Variants in PRADC1 observed in about 807,000 individuals in gnomAD.
PRADC1 encodes protease-associated domain-containing protein 1.
PRADC1 carries 23 observed loss-of-function variants against 22.9 expected under a neutral mutation model. The ratio of observed to expected loss-of-function variants is 1.00; its 90% CI spans 0.72 to 1.42. PRADC1 has a LOEUF of 1.42. Ranked by LOEUF, PRADC1 falls within the 40% of genes most tolerant of loss-of-function variation. The pLI, the probability that PRADC1 is intolerant of heterozygous loss-of-function variation, is 0.00. For missense variants in PRADC1, 207 were observed against 258.3 expected, an observed-to-expected ratio of 0.80 and a Z score of 1.36; for synonymous variants, 71 against 100.3, an observed-to-expected ratio of 0.71 and a Z score of 1.75.
At position 73,228,120 on chromosome 2, in the gene PRADC1, AC is replaced by A; in HGVS notation, c.*333del. The A allele has an allele frequency of 2.9e-6, 1 of 350,468 alleles. No individual in the cohort carries two copies. The highest frequency in any genetic ancestry group is 3.1e-5 in the South Asian group (1 of 32,068). 21.7% of individuals were successfully genotyped at this position (350,468 alleles called of 1,614,324 possible). A position where few individuals can be genotyped will look rare whatever the true frequency, so the allele number is the denominator to read the frequency against. On this transcript the variant is annotated 3_prime_UTR_variant, in exon 5 of 5. Transcript: ENST00000258083. This position sits in a 1 kb window ranked among gnomAD's most constrained non-coding sequence, Gnocchi z 4.0. The stretch of plus-strand genomic sequence containing the variant: ...CTGCTGTGAAGGTCACTGTGCAGAG[AC>A]CCTGGGTAGGGGAGGCTGGAGCCAG...
Position 73,228,842 on chromosome 2 carries a change from G to C in PRADC1, c.399C>G (p.Thr133=), listed in dbSNP as rs1686571563. The C allele has an allele frequency of 1.9e-6, 3 of 1,613,168 alleles. No homozygotes were observed. Among genetic ancestry groups the C allele is most frequent in the Non-Finnish European group, 2.5e-6 (3 of 1,179,956 alleles). The change falls in exon 4 of 5, where the codon ACC becomes ACG. Residue 133 remains threonine, a synonymous_variant. Coordinates refer to ENST00000258083, the MANE Select transcript of PRADC1 (RefSeq NM_032319.3). This position sits in a 1 kb window ranked among gnomAD's most constrained non-coding sequence, Gnocchi z 4.0. The stretch of plus-strand genomic sequence containing the variant: ...GGGCGGGGATGTCAGCTGTGCGCTG[G>C]GTACTGTCCTGGATCATCTCCACGT... ...SFYVEMIQDS[T]QRTADIPALF... is the part of the protein sequence containing the mutation.
At chr2:73,232,253 CG>C (rs1231499497) in intron 1 of PRADC1, among the ~76,000 whole-genome samples, 1 of 151,362 alleles carries the variant, frequency 6.6e-6, no homozygotes, top group Non-Finnish European at 1.5e-5. Context: ...AGGAGAATGG[CG>C]TGAACCCGGG....
At chr2:73,233,017 T>G (rs1686693215) in intron 1 of PRADC1, 77 bp downstream of exon 1, 5 of 1,488,766 alleles carry the variant, frequency 3.4e-6, no homozygotes, top group Non-Finnish European at 3.6e-6. Flanking sequence ...AGGTGACCCT[T>G]GGCCCCCAAC....
rs1686600037 is a variant in PRADC1, at chr2:73,229,755, C to T, written c.169-185G>A. ...CGCAAAGGCCTATCTGGTTGTCCTA[C>T]ACCACCCTACCCTTCTATGAGATAG... is the stretch of plus-strand genomic sequence containing the variant. On this transcript the variant is annotated intron_variant, in intron 2 of 4. Coordinates refer to ENST00000258083, the MANE Select transcript of PRADC1 (RefSeq NM_032319.3). 32 of 608,362 alleles carry T rather than the reference C, an allele frequency of 5.3e-5. 1 individual carries two copies. In the South Asian group the frequency reaches 5.4e-4, roughly 10 times the overall value. The allele number at this position is 608,362 out of a possible 1,614,324, so 37.7% of individuals were successfully genotyped here. A position where few individuals can be genotyped will look rare whatever the true frequency, so the allele number is the denominator to read the frequency against.
chr2:73,229,035 AGT>A, intron 3 of PRADC1, 73 bp from the exon 4 acceptor site: 2 of 1,365,050 alleles, frequency 1.5e-6, no homozygotes, highest in South Asian at 2.5e-5. Flanking sequence ...TCACCCTGGG[AGT>A]ATAGAAGGCA....
chr2:73,229,138 T>C (rs534101453), intron 3 of PRADC1, among the ~76,000 whole-genome samples, 176 bp from the exon 4 acceptor site: 15 of 152,188 alleles, frequency 9.9e-5, no homozygotes, highest in Non-Finnish European at 2.1e-4. Context: ...TTCTTTTTTT[T>C]TGGAGACTGG....
chr2:73,229,078 A>T (rs72905345), intron 3 of PRADC1, 116 bp from the exon 4 acceptor site: 26,834 of 869,058 alleles, frequency 0.031, 1,339 homozygotes, highest in African/African-American at 0.2. Flanking sequence ...AAAGGCTCAT[A>T]AGTAAATAGC....
Position 73,228,708 on chromosome 2 carries a change from G to T in PRADC1, c.446+87C>A. ...TCTAACTGAAGCACCCCAAGTTGAG[G>T]CCTGCAAGAAGGGACTGGTGATTAC... is the stretch of plus-strand genomic sequence containing the variant. On this transcript the variant is annotated intron_variant, in intron 4 of 4. Transcript: ENST00000258083. This position sits in a 1 kb window ranked among gnomAD's most constrained non-coding sequence, Gnocchi z 4.0. 6.3e-7 allele frequency: 1 copy of T among 1,582,772 alleles called. No individual in the cohort carries two copies. The highest frequency in any genetic ancestry group is 1.3e-5 in the African/African-American group (1 of 74,384).
At chr2:73,229,356 A>C in intron 3 of PRADC1, 105 bp downstream of exon 3, 1 of 846,934 alleles carries the variant, frequency 1.2e-6, no homozygotes, top group Non-Finnish European at 2.0e-6. Flanking sequence ...GACGCTTAAA[A>C]AGATGAAATT....
chr2:73,229,436 C>T (rs778347799), intron 3 of PRADC1, 25 bp downstream of exon 3: 92 of 1,504,220 alleles, frequency 6.1e-5, no homozygotes, highest in Non-Finnish European at 8.2e-5. Context: ...GCCCACTCCT[C>T]GTGTCCTGCC....
rs776271178 is a variant in PRADC1 at position 73,228,617 on chromosome 2, T to G, written c.447-43A>C. The G allele has an allele frequency of 6.2e-7, 1 of 1,613,540 alleles. No individual in the cohort carries two copies. Among genetic ancestry groups the G allele is most frequent in the African/African-American group, 1.3e-5 (1 of 75,038 alleles). Reference sequence around the variant, plus strand: ...GAGGTGGTGACGGTCACTTTCTTGGTACCCCATCATGCCCCACTGTCCCCA... The same window carrying G: ...GAGGTGGTGACGGTCACTTTCTTGGGACCCCATCATGCCCCACTGTCCCCA... On this transcript the variant is annotated intron_variant, in intron 4 of 4. Coordinates refer to ENST00000258083, the MANE Select transcript of PRADC1 (RefSeq NM_032319.3). This position sits in a 1 kb window ranked among gnomAD's most constrained non-coding sequence, Gnocchi z 4.0.
chr2:73,229,817 G>T (rs911822424), intron 2 of PRADC1: 2 of 587,914 alleles, frequency 3.4e-6, no homozygotes, highest in Non-Finnish European at 6.1e-6. Flanking sequence ...GAGAGGAAGT[G>T]ATGTGCCTTA....
chr2:73,228,323 G>A lies in PRADC1; in HGVS notation c.*131C>T, dbSNP rs115369437. ...GTGGCTTCCCTTTCAGCCTAGCAAC[G>A]CCCAAACCCTTTTCCTCTACCTGGC... On this transcript the variant is annotated 3_prime_UTR_variant, in exon 5 of 5. Transcript: ENST00000258083. The surrounding 1 kb of genome is among the most constrained non-coding windows in gnomAD (Gnocchi z 4.0). The A allele has an allele frequency of 1.5e-3, 1,739 of 1,197,884 alleles. 14 individuals are homozygous for A. The African/African-American group carries it at 0.021, about 14-fold the overall frequency. The allele number at this position is 1,197,884 out of a possible 1,614,324, so 74.2% of individuals were successfully genotyped here.
In PRADC1 at chr2:73,228,372, T is replaced by A. The variant is rs763603543; in HGVS notation, c.*82A>T. The A allele has an allele frequency of 2.8e-5, 44 of 1,565,896 alleles. No homozygotes were observed. Among genetic ancestry groups the A allele is most frequent in the Non-Finnish European group, 3.7e-5 (43 of 1,148,646 alleles). ...GCTCCACTTGTCCCCAGATGCTATC[T>A]CCAAATTCCAAGTAGCAAAATTCCT... On this transcript the variant is annotated 3_prime_UTR_variant, in exon 5 of 5. Transcript: ENST00000258083. The surrounding 1 kb of genome is among the most constrained non-coding windows in gnomAD (Gnocchi z 4.0).
At position 73,228,860 on chromosome 2, in the gene PRADC1, C is replaced by A. The variant is rs149195769; in HGVS notation, c.381G>T (p.Glu127Asp). 6.8e-6 allele frequency: 11 copies of A among 1,613,362 alleles called. No homozygotes were observed. Among genetic ancestry groups the A allele is most frequent in the Non-Finnish European group, 9.3e-6 (11 of 1,179,992 alleles). The change falls in exon 4 of 5, where the codon GAG (glutamate) becomes GAT (aspartate). Residue 127 changes from glutamate (E) to aspartate (D), a missense_variant. Transcript: ENST00000258083. This position sits in a 1 kb window ranked among gnomAD's most constrained non-coding sequence, Gnocchi z 4.0. ...NAVDNDSFYV[E>D]MIQDSTQRTA... ...TGCGCTGGGTACTGTCCTGGATCAT[C>A]TCCACGTAGAAGCTGTCATTGTCAA...
intron 3 of PRADC1, 58 bp from the exon 4 acceptor site, chr2:73,229,020 G>A: frequency 6.6e-7 from 1 of 1,524,140 alleles, no homozygotes; most frequent in African/African-American, 1.4e-5. Context: ...CCCTTCCCCA[G>A]ACCATCACCC....
chr2:73,228,665 C>G lies in PRADC1; in HGVS notation c.447-91G>C, dbSNP rs1035707095. On this transcript the variant is annotated intron_variant, in intron 4 of 4. Coordinates refer to ENST00000258083, the MANE Select transcript of PRADC1 (RefSeq NM_032319.3). The surrounding 1 kb of genome is among the most constrained non-coding windows in gnomAD (Gnocchi z 4.0). ...CCATCAATCTGGGAGTTCCAAAGCCCGAGATCTTTTTTTGCCCTCTAACTG... is the reference window on the plus strand; with the variant it reads ...CCATCAATCTGGGAGTTCCAAAGCCGGAGATCTTTTTTTGCCCTCTAACTG... 3.8e-6 allele frequency: 6 copies of G among 1,598,996 alleles called. No individual in the cohort carries two copies. Among genetic ancestry groups the G allele is most frequent in the Non-Finnish European group, 4.3e-6 (5 of 1,170,436 alleles).
In PRADC1 at chr2:73,228,548, T is replaced by C; in HGVS notation, c.473A>G (p.Gln158Arg). The change falls in exon 5 of 5, where the codon CAG (glutamine) becomes CGG (arginine). Residue 158 changes from glutamine (Q) to arginine (R), a missense_variant. Physicochemically the swap from Gln to Arg is conservative, Grantham distance 43. Transcript: ENST00000258083. This position sits in a 1 kb window ranked among gnomAD's most constrained non-coding sequence, Gnocchi z 4.0. ...DGYMIRRSLE[Q>R]HGLPWAIISI... ...AATGATGGCCCATGGCAGCCCATGC[T>C]GTTCCAGAGAGCGGCGGATCATGTA... 1 of 1,614,200 alleles carries C rather than the reference T, an allele frequency of 6.2e-7. No individual in the cohort carries two copies. Among genetic ancestry groups the C allele is most frequent in the African/African-American group, 1.3e-5 (1 of 75,066 alleles).
intron 2 of PRADC1, 30 bp downstream of exon 2, chr2:73,230,083 A>T (rs773112946): frequency 1.4e-6 from 2 of 1,464,090 alleles, no homozygotes; most frequent in East Asian, 4.5e-5. Flanking sequence ...GAGGTTGAGG[A>T]TCAGAGATCA....
Sources: allele counts gnomAD v4.1 joint callset (sites outside exome capture counted in the v4.1 genomes callset), GRCh38; gene constraint gnomAD v4.1.1; non-coding constraint Gnocchi (gnomAD v3.1); transcripts MANE v1.5; gene names NCBI Gene and HGNC (gene_info 2026-07-23, HGNC 2026-07-21).